SVIL: variants seen among roughly 807,000 people sequenced by gnomAD.
The protein encoded by SVIL is supervillin, also known as archvillin.
In SVIL, 101 loss-of-function variants were observed where a neutral mutation model predicts 240.4. The ratio of observed to expected loss-of-function variants is 0.42; its 90% CI spans 0.36 to 0.50. SVIL has a LOEUF of 0.50. Ranked by LOEUF, SVIL falls within the 20% of genes least tolerant of loss-of-function variation. The pLI is 0.01. For missense variants in SVIL, 2,512 were observed against 2,818.7 expected, an observed-to-expected ratio of 0.89 and a Z score of 2.46; for synonymous variants, 999 against 1,100.0, an observed-to-expected ratio of 0.91 and a Z score of 1.82.
intron 1 of SVIL, among the ~76,000 whole-genome samples, chr10:29,587,643 A>G (rs1319148645): frequency 2.0e-5 from 3 of 152,206 alleles, no homozygotes; most frequent in African/African-American, 4.8e-5. Context: ...CAGCCTTTAC[A>G]TGGAAACGTC....
At chr10:29,466,077 A>G (rs1262358927) in intron 33 of SVIL, among the ~76,000 whole-genome samples, 1 of 152,160 alleles carries the variant, frequency 6.6e-6, no homozygotes, top group East Asian at 1.9e-4. Flanking sequence ...GGAAAAAATA[A>G]ATATCAATAA....
At chr10:29,527,120 A>G in intron 12 of SVIL, 64 bp from the exon 13 acceptor site, 1 of 1,401,894 alleles carries the variant, frequency 7.1e-7, no homozygotes, top group East Asian at 2.3e-5. Flanking sequence ...AGCATTAAGG[A>G]CAGCATAGTT....
intron 3 of SVIL, among the ~76,000 whole-genome samples, chr10:29,645,178 C>T (rs893307458): frequency 7.2e-5 from 11 of 152,226 alleles, no homozygotes; most frequent in Admixed American, 1.3e-4. Flanking sequence ...AAGATTCCTA[C>T]AGTGCCATCA....
At chr10:29,662,113 T>G (rs1959169052) in intron 2 of SVIL, among the ~76,000 whole-genome samples, 1 of 152,152 alleles carries the variant, frequency 6.6e-6, no homozygotes. Context: ...AGACCCAACT[T>G]TTATTCTGGC....
At chr10:29,689,550 C>T (rs1961347063) in intron 1 of SVIL, among the ~76,000 whole-genome samples, 1 of 152,182 alleles carries the variant, frequency 6.6e-6, no homozygotes, top group Non-Finnish European at 1.5e-5. Flanking sequence ...TCCCAAAGTG[C>T]TGGGATTACA....
At chr10:29,620,447 C>T (rs1045306286) in intron 1 of SVIL, among the ~76,000 whole-genome samples, 1 of 152,118 alleles carries the variant, frequency 6.6e-6, no homozygotes, top group African/African-American at 2.4e-5. Flanking sequence ...TCTGACAAAC[C>T]AAATAAGGGC....
chr10:29,568,584 G>A (rs1433306837), intron 2 of SVIL, among the ~76,000 whole-genome samples: 1 of 152,180 alleles, frequency 6.6e-6, no homozygotes, highest in Non-Finnish European at 1.5e-5. Flanking sequence ...AAAAGCACCT[G>A]AGATACAGCT....
chr10:29,555,028 A>G (rs765483220), intron 4 of SVIL, 23 bp downstream of exon 4: 2 of 1,613,156 alleles, frequency 1.2e-6, no homozygotes, highest in Non-Finnish European at 1.7e-6. Flanking sequence ...TCTACTTCCT[A>G]ACTCCCACTA....
intron 27 of SVIL, chr10:29,483,381 T>C (rs1480196930): frequency 1.3e-5 from 2 of 152,200 alleles, no homozygotes; most frequent in African/African-American, 4.8e-5. Flanking sequence ...AAGGTCTGGG[T>C]ATGTAATCCT....
chr10:29,593,794 G>T (rs181055076), intron 1 of SVIL, among the ~76,000 whole-genome samples: 1 of 152,286 alleles, frequency 6.6e-6, no homozygotes, highest in Non-Finnish European at 1.5e-5. Context: ...TCATTAAATG[G>T]ACTGCGCCCA....
intron 1 of SVIL, among the ~76,000 whole-genome samples, chr10:29,609,458 G>T (rs920305035): frequency 6.6e-6 from 1 of 152,318 alleles, no homozygotes; most frequent in East Asian, 1.9e-4. Context: ...GGGACTGAAA[G>T]AGCTGTAACA....
At chr10:29,503,788 T>C (rs2132450105) in intron 17 of SVIL, among the ~76,000 whole-genome samples, 1 of 152,342 alleles carries the variant, frequency 6.6e-6, no homozygotes, top group East Asian at 1.9e-4. Flanking sequence ...CAACTTGAGC[T>C]GTACATTCGA....
At chr10:29,587,725 A>G (rs1018099481) in intron 1 of SVIL, among the ~76,000 whole-genome samples, 1 of 152,200 alleles carries the variant, frequency 6.6e-6, no homozygotes, top group African/African-American at 2.4e-5. Flanking sequence ...TAGGTGGCAT[A>G]TATTCAATCT....
At chr10:29,606,895 C>G (rs1382352401) in intron 1 of SVIL, among the ~76,000 whole-genome samples, 2 of 152,180 alleles carry the variant, frequency 1.3e-5, no homozygotes, top group African/African-American at 4.8e-5. Context: ...GCTGGGATTA[C>G]AGCCACGTGC....
intron 29 of SVIL, among the ~76,000 whole-genome samples, chr10:29,474,735 T>C (rs1004606193): frequency 6.6e-6 from 1 of 152,036 alleles, no homozygotes; most frequent in African/African-American, 2.4e-5. Context: ...AAAGAATAGC[T>C]GGTAGAGAAA....
intron 33 of SVIL, among the ~76,000 whole-genome samples, chr10:29,466,453 C>T (rs1301828799): frequency 6.6e-6 from 1 of 152,004 alleles, no homozygotes; most frequent in African/African-American, 2.4e-5. Context: ...GAAACTTGGC[C>T]CGAGCTGATA....
At chr10:29,620,312 G>A (rs1763504102) in intron 1 of SVIL, among the ~76,000 whole-genome samples, 3 of 150,010 alleles carry the variant, frequency 2.0e-5, no homozygotes, top group Admixed American at 6.7e-5. Flanking sequence ...GGAAAAGGAA[G>A]GAAAAGAAAA....
intron 36 of SVIL, among the ~76,000 whole-genome samples, chr10:29,461,721 A>C (rs1386345411): frequency 6.6e-6 from 1 of 152,204 alleles, no homozygotes. Flanking sequence ...ATTTTGGTGG[A>C]TAGAAGTTAT....
At chr10:29,543,796 G>A (rs763407385) in intron 6 of SVIL, among the ~76,000 whole-genome samples, 5 of 152,042 alleles carry the variant, frequency 3.3e-5, no homozygotes, top group Non-Finnish European at 7.3e-5. Flanking sequence ...TACTTAAAAA[G>A]CCTTGTTCTC....
Sources: allele counts gnomAD v4.1 joint callset (sites outside exome capture counted in the v4.1 genomes callset), GRCh38; gene constraint gnomAD v4.1.1; transcripts MANE v1.5; gene names NCBI Gene and HGNC (gene_info 2026-07-23, HGNC 2026-07-21).